The following LARP1B variants were observed in gnomAD, a reference collection of about 807,000 sequenced individuals.
LARP1B encodes the protein La ribonucleoprotein 1B.
LARP1B carries 76 observed loss-of-function variants against 114.2 expected under a neutral mutation model. The ratio of observed to expected loss-of-function variants is 0.67; its 90% CI spans 0.55 to 0.81. The LOEUF (loss-of-function observed/expected upper bound fraction) is 0.81, where lower values mean the gene tolerates loss of function less well. LARP1B is among the 30% of genes least tolerant of loss of function. The probability of loss-of-function intolerance (pLI) is 0.00; values close to 1 mark genes in which losing one functional copy is unlikely to be tolerated. For synonymous variants in LARP1B, 345 were observed against 348.0 expected (o/e 0.99, Z 0.10); for missense variants, 1,014 against 1,075.8 (o/e 0.94, Z 0.80).
At chr4:128,147,949 T>C (rs1013099966) in intron 11 of LARP1B, among the ~76,000 whole-genome samples, 1 of 152,152 alleles carries the variant, frequency 6.6e-6, no homozygotes, top group Admixed American at 6.5e-5. Context: ...TCCTGAGTAA[T>C]AAAAAGTTTC....
chr4:128,069,739 C>G (rs570697158), intron 1 of LARP1B: 6 of 283,504 alleles, frequency 2.1e-5, no homozygotes, highest in African/African-American at 1.3e-4. Context: ...CATCAGCATT[C>G]TAGTATAATT....
chr4:128,082,979 G>A (rs887016668), intron 5 of LARP1B, among the ~76,000 whole-genome samples: 1 of 151,866 alleles, frequency 6.6e-6, no homozygotes, highest in East Asian at 1.9e-4. Flanking sequence ...CGCAGTGTTT[G>A]TGTCCCTGGG....
intron 15 of LARP1B, among the ~76,000 whole-genome samples, chr4:128,190,243 A>G (rs1751790974): frequency 6.6e-6 from 1 of 152,128 alleles, no homozygotes; most frequent in Non-Finnish European, 1.5e-5. Context: ...ATCCTGTAGC[A>G]CTTTGAATGT....
chr4:128,122,211 T>C (rs1788170078), intron 11 of LARP1B, 23 bp downstream of exon 11: 2 of 1,607,954 alleles, frequency 1.2e-6, no homozygotes, highest in Admixed American at 3.4e-5. Context: ...GGCCAACATC[T>C]TTCTACTGAT....
chr4:128,155,383 C>G (rs1243319037), intron 11 of LARP1B: 1 of 594,294 alleles, frequency 1.7e-6, no homozygotes, highest in Non-Finnish European at 3.0e-6. Flanking sequence ...GCCGCCAGCC[C>G]GGGGCATGTT....
chr4:128,100,018 G>A (rs1197964281), intron 8 of LARP1B, among the ~76,000 whole-genome samples: 1 of 152,074 alleles, frequency 6.6e-6, no homozygotes, highest in Non-Finnish European at 1.5e-5. Flanking sequence ...GGAGTGCAAT[G>A]CCATGATCTT....
chr4:128,083,831 G>A (rs1320729338), intron 5 of LARP1B, among the ~76,000 whole-genome samples: 6 of 151,806 alleles, frequency 4.0e-5, no homozygotes, highest in African/African-American at 1.2e-4. Flanking sequence ...CGGACGGGGC[G>A]GCTGCCGGGC....
chr4:128,134,508 T>C (rs1182218099), intron 11 of LARP1B, among the ~76,000 whole-genome samples: 1 of 152,142 alleles, frequency 6.6e-6, no homozygotes, highest in East Asian at 1.9e-4. Context: ...AAGAAAGCCT[T>C]TGGGGAAGGC....
At position 128,185,895 on chromosome 4, in the gene LARP1B, G is replaced by A. The variant is rs191892370; in HGVS notation, c.2003+6383G>A. On this transcript the variant is annotated intron_variant, in intron 15 of 19. Coordinates refer to ENST00000326639, the MANE Select transcript of LARP1B (RefSeq NM_018078.4). The stretch of plus-strand genomic sequence containing the variant: ...GTCTAGCTTCAGACTTTTGCATTAT[G>A]GTTATCTAGTTTTCTTAGCCCCACT... Among the ~76,000 whole-genome samples the A allele has an allele frequency of 2.5e-3, 381 of 152,086 alleles. 2 individuals carry two copies. Among genetic ancestry groups the A allele is most frequent in the African/African-American group, 8.6e-3 (359 of 41,526 alleles).
At position 128,200,640 on chromosome 4, in the gene LARP1B, T is replaced by C; in HGVS notation, c.2284T>C (p.Trp762Arg). 6.3e-7 allele frequency: 1 copy of C among 1,582,232 alleles called. No individual in the cohort carries two copies. Among genetic ancestry groups the C allele is most frequent in the Non-Finnish European group, 8.6e-7 (1 of 1,167,992 alleles). ...KMYEEFRQLAWEDAKENYRYG... is the reference protein window; with the variant it reads ...KMYEEFRQLAREDAKENYRYG... ...GTATGAGGAATTTAGACAACTTGCT[T>C]GGGAAGATGCAAAAGAAAATTACAG... The change falls in exon 17 of 20, where the codon TGG (tryptophan) becomes CGG (arginine). Residue 762 changes from tryptophan to arginine, a missense_variant. Trp to Arg is a moderately radical substitution (Grantham distance 101, BLOSUM62 -3). Coordinates refer to ENST00000326639, the MANE Select transcript of LARP1B (RefSeq NM_018078.4).
chr4:128,104,468 C>T (rs779436365), intron 8 of LARP1B, among the ~76,000 whole-genome samples: 5 of 151,088 alleles, frequency 3.3e-5, no homozygotes, highest in African/African-American at 4.9e-5. Context: ...TTTTTGAGAC[C>T]GCTCTCACTC....
At chr4:128,132,143 A>G (rs887593843) in intron 11 of LARP1B, among the ~76,000 whole-genome samples, 1 of 152,226 alleles carries the variant, frequency 6.6e-6, no homozygotes, top group Non-Finnish European at 1.5e-5. Context: ...CAAAAAATGA[A>G]CAGAACTCAG....
At chr4:128,061,814 G>C in intron 1 of LARP1B, 9 of 984,938 alleles carry the variant, frequency 9.1e-6, no homozygotes, top group Non-Finnish European at 1.1e-5. Flanking sequence ...GCCCCCGCCC[G>C]AATGTGAGGG....
intron 1 of LARP1B, among the ~76,000 whole-genome samples, chr4:128,065,274 TTTCTTTCTTTC>T (rs1762084167): frequency 8.0e-6 from 1 of 125,684 alleles, no homozygotes; most frequent in Non-Finnish European, 1.7e-5. Flanking sequence ...TCTTTCTTTC[TTTCTTTCTTTC>T]TTTCTTTCTT....
Position 128,192,518 on chromosome 4 carries a change from A to G in LARP1B, c.2004-6921A>G, listed in dbSNP as rs775069037. ...TTATATTAACCTATAGTTGGGCAAA[A>G]TCTAGCACAAAGCCTATTTTATAAT... On this transcript the variant is annotated intron_variant, in intron 15 of 19. Transcript: ENST00000326639. 1.2e-3 allele frequency among the ~76,000 whole-genome samples: 180 copies of G among 152,314 alleles called. 2 individuals are homozygous for G. Among genetic ancestry groups the G allele is most frequent in the Admixed American group, 1.8e-3 (28 of 15,308 alleles).
chr4:128,065,297 CTT>C lies in LARP1B; in HGVS notation c.-78+3898_-78+3899del, dbSNP rs1403091245. ...TCTTTCTTTCTTTCTTTCTTTCTTTCTTTCTTTCTTTCTTTCTTTCTCTCTCT... is the reference window on the plus strand; with the variant it reads ...TCTTTCTTTCTTTCTTTCTTTCTTTCTCTTTCTTTCTTTCTTTCTCTCTCT... On this transcript the variant is annotated intron_variant, in intron 1 of 19. Transcript: ENST00000326639. Among the ~76,000 whole-genome samples the C allele has an allele frequency of 1.0e-2, 1,339 of 133,902 alleles. 17 individuals carry two copies. Among genetic ancestry groups the C allele is most frequent in the Non-Finnish European group, 0.013 (799 of 62,558 alleles). The allele number at this position is 133,902 out of a possible 152,430, so 87.8% of individuals were successfully genotyped here. A position where few individuals can be genotyped will look rare whatever the true frequency, so the allele number is the denominator to read the frequency against.
chr4:128,172,620 G>T (rs1412641965), intron 12 of LARP1B, among the ~76,000 whole-genome samples: 1 of 151,986 alleles, frequency 6.6e-6, no homozygotes, highest in Non-Finnish European at 1.5e-5. Flanking sequence ...TTGAACCCGG[G>T]AGGTAGAGGT....
intron 1 of LARP1B, among the ~76,000 whole-genome samples, chr4:128,065,253 A>ATTAATTTC (rs1553982285): frequency 6.5e-4 from 58 of 89,608 alleles, no homozygotes; most frequent in African/African-American, 1.6e-3. Flanking sequence ...CCCACAATTA[A>ATTAATTTC]TTTCTTTCTT....
chr4:128,150,298 T>C lies in LARP1B; in HGVS notation c.1525-11896T>C, dbSNP rs569654597. ...CTATAGCTTTAATTTTTTTCTTTTT[T>C]TTTTTTTTTTCAGACAGGGTCTCAC... On this transcript the variant is annotated intron_variant, in intron 11 of 19. Transcript: ENST00000326639. Among the ~76,000 whole-genome samples, 55 of 151,416 alleles carry C rather than the reference T, an allele frequency of 3.6e-4. 1 individual carries two copies. In the South Asian group the frequency reaches 0.011, roughly 30 times the overall value.
Sources: allele counts gnomAD v4.1 joint callset (sites outside exome capture counted in the v4.1 genomes callset), GRCh38; gene constraint gnomAD v4.1.1; transcripts MANE v1.5; gene names NCBI Gene and HGNC (gene_info 2026-07-23, HGNC 2026-07-21).